The following GDI2 variants were observed in gnomAD, a reference collection of about 807,000 sequenced individuals.
GDI2 encodes GDP dissociation inhibitor 2.
Under a neutral mutation model 54.2 loss-of-function variants are expected in GDI2, and 22 were observed. The observed-to-expected ratio is 0.41, with a 90% CI of 0.29 to 0.58. GDI2 has a LOEUF of 0.58. Ranked by LOEUF, GDI2 falls within the 20% of genes least tolerant of loss-of-function variation. GDI2 has a pLI of 0.35. For synonymous variants in GDI2, 177 were observed against 182.1 expected (o/e 0.97, Z 0.23); for missense variants, 422 against 546.0 (o/e 0.77, Z 2.26).
chr10:5,775,648 G>C (rs1456128275), intron 6 of GDI2, among the ~76,000 whole-genome samples: 1 of 152,170 alleles, frequency 6.6e-6, no homozygotes, highest in Non-Finnish European at 1.5e-5. Flanking sequence ...TCACACAGGA[G>C]GGAAAAGCGA....
At chr10:5,794,757 T>C (rs750077055) in intron 4 of GDI2, 128 bp downstream of exon 4, 17 of 691,212 alleles carry the variant, frequency 2.5e-5, no homozygotes, top group Non-Finnish European at 4.0e-5. Flanking sequence ...CCTAGAACAG[T>C]GTCTGGCACA....
chr10:5,798,518 G>A (rs1841196515), intron 2 of GDI2, among the ~76,000 whole-genome samples: 1 of 151,956 alleles, frequency 6.6e-6, no homozygotes, highest in African/African-American at 2.4e-5. Flanking sequence ...GAGCCTAGGA[G>A]GTGGAGGTTG....
At position 5,776,716 on chromosome 10, in the gene GDI2, A is replaced by T. The variant is rs1840630152; in HGVS notation, c.720-2775T>A. ...TGCCGCCACATTCAGAAACTGCTAC[A>T]GCCTCTTTAACCTGGCAGAAGTTTG... On this transcript the variant is annotated intron_variant, in intron 6 of 10. Coordinates refer to ENST00000380191, the MANE Select transcript of GDI2 (RefSeq NM_001494.4). This position sits in a 1 kb window ranked among gnomAD's most constrained non-coding sequence, Gnocchi z 5.3. 2.7e-6 allele frequency: 4 copies of T among 1,472,388 alleles called. No individual in the cohort carries two copies. The South Asian group carries it at 3.4e-5, about 13-fold the overall frequency. The allele number at this position is 1,472,388 out of a possible 1,614,324, so 91.2% of individuals were successfully genotyped here. A position where few individuals can be genotyped will look rare whatever the true frequency, so the allele number is the denominator to read the frequency against.
Position 5,766,638 on chromosome 10 carries a change from T to C in GDI2, c.992A>G (p.Asp331Gly), listed in dbSNP as rs1467901407. 1.9e-6 allele frequency: 3 copies of C among 1,613,208 alleles called. No homozygotes were observed. Among genetic ancestry groups the C allele is most frequent in the Admixed American group, 1.7e-5 (1 of 60,018 alleles). The stretch of plus-strand genomic sequence containing the variant: ...AAAGGAGATCATGCAGACGTAGATA[T>C]CTAGAAACAAATGATACCAGCTCAC... ...IPQNQVNRKS[D>G]IYVCMISFAH... is the part of the protein sequence containing the mutation. Residue 331 changes from aspartate to glycine, a missense_variant and splice_region_variant, in exon 9 of 11, where the codon GAT becomes GGT. Transcript: ENST00000380191. The surrounding 1 kb of genome is among the most constrained non-coding windows in gnomAD (Gnocchi z 5.8).
In GDI2 at chr10:5,773,870, T is replaced by C; in HGVS notation, c.791A>G (p.Lys264Arg). 2.0e-6 allele frequency: 3 copies of C among 1,518,050 alleles called. No homozygotes were observed. In the African/African-American group the frequency reaches 4.1e-5, roughly 21 times the overall value. 94.0% of individuals were successfully genotyped at this position (1,518,050 alleles called of 1,614,324 possible). Residue 264 changes from lysine to arginine, a missense_variant, in exon 7 of 11, where the codon AAA becomes AGA. Coordinates refer to ENST00000380191, the MANE Select transcript of GDI2 (RefSeq NM_001494.4). ...PIEEIIVQNG[K>R]VIGVKSEGEI... Reference sequence around the variant, plus strand: ...TCCTTCAGATTTTACACCAATTACTTTTCCATTCTGTACAATGATTTCTTC... The same window carrying C: ...TCCTTCAGATTTTACACCAATTACTCTTCCATTCTGTACAATGATTTCTTC...
intron 4 of GDI2, among the ~76,000 whole-genome samples, chr10:5,792,338 A>T (rs1277530582): frequency 6.6e-6 from 1 of 152,244 alleles, no homozygotes; most frequent in Non-Finnish European, 1.5e-5. Context: ...AACTATGTAA[A>T]GTTAGATAAT....
rs1350873384 is a variant in GDI2, at chr10:5,794,189, ATATATATATATATAT to A, written c.388+681_388+695del. On this transcript the variant is annotated intron_variant, in intron 4 of 10. Transcript: ENST00000380191. ...CTTTAAAAGAAAAAAAAAAAAAAAA[ATATATATATATATAT>A]ATATATATATATATATATATATATA... Among the ~76,000 whole-genome samples, 60 of 33,942 alleles carry A rather than the reference ATATATATATATATAT, an allele frequency of 1.8e-3. 2 individuals are homozygous for A. Among genetic ancestry groups the A allele is most frequent in the East Asian group, 5.9e-3 (5 of 844 alleles). The allele number at this position is 33,942 out of a possible 152,430, so 22.3% of individuals were successfully genotyped here.
At chr10:5,770,939 C>T (rs1202912346) in intron 7 of GDI2, among the ~76,000 whole-genome samples, 4 of 125,264 alleles carry the variant, frequency 3.2e-5, no homozygotes, top group Non-Finnish European at 4.7e-5. Context: ...GCACTCCAGC[C>T]TGGGCAACAA....
intron 4 of GDI2, among the ~76,000 whole-genome samples, chr10:5,791,183 T>C (rs1187652382): frequency 3.9e-5 from 6 of 152,006 alleles, no homozygotes; most frequent in South Asian, 2.1e-4. Flanking sequence ...TAGTCCCAGC[T>C]ACTCAGGAGG....
At chr10:5,804,642 AT>A (rs922780498) in intron 1 of GDI2, among the ~76,000 whole-genome samples, 5 of 152,128 alleles carry the variant, frequency 3.3e-5, no homozygotes, top group Non-Finnish European at 5.9e-5. Flanking sequence ...TATCATTGCT[AT>A]AGAGCAAAGG....
chr10:5,799,323 C>A (rs1011840034), intron 2 of GDI2, among the ~76,000 whole-genome samples: 1 of 152,158 alleles, frequency 6.6e-6, no homozygotes, highest in African/African-American at 2.4e-5. Context: ...GGCAACAGGG[C>A]AAGGCCCTGT....
intron 4 of GDI2, among the ~76,000 whole-genome samples, chr10:5,787,787 T>G (rs1352359570): frequency 6.6e-6 from 1 of 152,250 alleles, no homozygotes; most frequent in African/African-American, 2.4e-5. Context: ...TGTCAGAACT[T>G]AAAGCTATTA....
In GDI2 at chr10:5,765,948, T is replaced by C; in HGVS notation, c.*58A>G. The C allele has an allele frequency of 8.0e-7, 1 of 1,248,734 alleles. No homozygotes were observed. Among genetic ancestry groups the C allele is most frequent in the Non-Finnish European group, 1.1e-6 (1 of 892,552 alleles). 77.4% of individuals were successfully genotyped at this position (1,248,734 alleles called of 1,614,324 possible). The stretch of plus-strand genomic sequence containing the variant: ...AGGCCTTACAATATTGATTTCATTA[T>C]ATGCATTATTTGCCAAATTTTAAAT... On this transcript the variant is annotated 3_prime_UTR_variant, in exon 11 of 11. Transcript: ENST00000380191.
At chr10:5,793,722 A>C (rs1217388503) in intron 4 of GDI2, among the ~76,000 whole-genome samples, 1 of 152,298 alleles carries the variant, frequency 6.6e-6, no homozygotes, top group South Asian at 2.1e-4. Flanking sequence ...ATCCTTCTCC[A>C]AACTGCTCCA....
intron 4 of GDI2, among the ~76,000 whole-genome samples, chr10:5,786,760 T>C (rs138387386): frequency 1.9e-3 from 290 of 152,334 alleles, no homozygotes; most frequent in Admixed American, 5.4e-3. Context: ...ATGCTCTTGC[T>C]TTTCCGCCTC....
chr10:5,777,590 G>A (rs1391695672), intron 6 of GDI2, among the ~76,000 whole-genome samples: 4 of 152,166 alleles, frequency 2.6e-5, no homozygotes, highest in South Asian at 4.1e-4. Context: ...GTGAGAAACC[G>A]TCTCACGCCA....
rs2131708504 is a variant in GDI2 at position 5,795,221 on chromosome 10, C to T, written c.254-202G>A. Among the ~76,000 whole-genome samples, 2 of 152,298 alleles carry T rather than the reference C, an allele frequency of 1.3e-5. 1 individual carries two copies. The highest frequency in any genetic ancestry group is 4.1e-4 in the South Asian group (2 of 4,822). ...ACGAGCTCACTGCAACCTCAGCCTC[C>T]TGGGCTCATGCAAGCTTCCAGCCTG... is the stretch of plus-strand genomic sequence containing the variant. On this transcript the variant is annotated intron_variant, in intron 3 of 10. Coordinates refer to ENST00000380191, the MANE Select transcript of GDI2 (RefSeq NM_001494.4).
At chr10:5,812,448 G>A (rs1201002145) in intron 1 of GDI2, among the ~76,000 whole-genome samples, 1 of 152,104 alleles carries the variant, frequency 6.6e-6, no homozygotes, top group East Asian at 1.9e-4. Context: ...CAATTCTTAG[G>A]GGAAAACAGT....
At chr10:5,794,186 AAAATATAT>A (rs1257564620) in intron 4 of GDI2, among the ~76,000 whole-genome samples, 169 of 46,602 alleles carry the variant, frequency 3.6e-3, no homozygotes, top group South Asian at 0.015. Flanking sequence ...AAAAAAAAAA[AAAATATAT>A]ATATATATAT....
Sources: gnomAD v4.1 joint callset for allele counts (sites outside exome capture counted in the v4.1 genomes callset) on GRCh38, gnomAD v4.1.1 for gene constraint, Gnocchi (gnomAD v3.1) non-coding constraint, MANE v1.5 for transcripts, NCBI Gene and HGNC (gene_info 2026-07-23, HGNC 2026-07-21) for gene names.